PCDHGA3: variants seen among roughly 807,000 people sequenced by gnomAD.
PCDHGA3 encodes the protein protocadherin gamma-A3.
PCDHGA3 carries 40 observed loss-of-function variants against 58.5 expected under a neutral mutation model. That is an observed-to-expected ratio of 0.68 (90% CI 0.53 to 0.89). The LOEUF (loss-of-function observed/expected upper bound fraction) is 0.89. Ranked by LOEUF, PCDHGA3 falls within the 40% of genes least tolerant of loss-of-function variation. PCDHGA3 has a pLI of 0.00. For synonymous variants in PCDHGA3, 530 were observed against 525.7 expected (o/e 1.01, Z -0.11); for missense variants, 1,223 against 1,195.9 (o/e 1.02, Z -0.33).
chr5:141,403,210 C>A (rs369033480), intron 1 of PCDHGA3: 2 of 1,613,828 alleles, frequency 1.2e-6, no homozygotes, highest in African/African-American at 2.7e-5. Context: ...CCTTGGTCAC[C>A]GCGGGTAGGA....
At chr5:141,508,483 G>T (rs1186425031) in intron 3 of PCDHGA3, among the ~76,000 whole-genome samples, 2 of 152,154 alleles carry the variant, frequency 1.3e-5, no homozygotes, top group East Asian at 3.9e-4. Context: ...TTACATTCTG[G>T]ATTTCCATAT....
At chr5:141,359,052 T>TCACATA (rs1024764249) in intron 1 of PCDHGA3, among the ~76,000 whole-genome samples, 3 of 152,256 alleles carry the variant, frequency 2.0e-5, no homozygotes, top group African/African-American at 7.2e-5. Context: ...CTGTGGAATA[T>TCACATA]GCCTCAATTT....
intron 1 of PCDHGA3, chr5:141,356,720 T>A (rs200566433): frequency 2.0e-5 from 32 of 1,613,888 alleles, no homozygotes; most frequent in Non-Finnish European, 3.4e-6. Context: ...TATGTCTCCA[T>A]CAACTCCAAT....
chr5:141,510,847 A>C (rs1279701390), intron 3 of PCDHGA3, 100 bp from the exon 4 acceptor site: 1 of 1,595,232 alleles, frequency 6.3e-7, no homozygotes, highest in Non-Finnish European at 8.6e-7. Context: ...GTCAAGGCCC[A>C]GGGTGCTGTA....
Position 141,346,468 on chromosome 5 carries a change from T to C in PCDHGA3, c.2424+11T>C. ...TCCAACCTACTTCAGGTGAGTTTAT[T>C]TATTTCTTTGATTATTAAGAACAAA... On this transcript the variant is annotated intron_variant, in intron 1 of 3. Coordinates refer to ENST00000253812, the MANE Select transcript of PCDHGA3 (RefSeq NM_018916.4). The C allele has an allele frequency of 6.2e-7, 1 of 1,613,962 alleles. No homozygotes were observed. The highest frequency in any genetic ancestry group is 8.5e-7 in the Non-Finnish European group (1 of 1,179,914).
intron 1 of PCDHGA3, chr5:141,408,114 C>T (rs1191565539): frequency 5.5e-6 from 8 of 1,460,968 alleles, no homozygotes; most frequent in South Asian, 1.4e-5. Context: ...CGGGACTCCT[C>T]CTGTCCTGGG....
At position 141,423,758 on chromosome 5, in the gene PCDHGA3, G is replaced by GC. The variant is rs1554116873; in HGVS notation, c.2425-71049_2425-71048insC. 1.7e-4 allele frequency: 62 copies of GC among 366,836 alleles called. 2 individuals are homozygous for GC. The highest frequency in any genetic ancestry group is 4.2e-4 in the Middle Eastern group (1 of 2,358). The allele number at this position is 366,836 out of a possible 1,614,324, so 22.7% of individuals were successfully genotyped here. Reference sequence around the variant, plus strand: ...CTGTTATGAAAACTGTTTGGGGGGGGGGTGGGGCGGCATATATTTAGTTCA... The same window carrying GC: ...CTGTTATGAAAACTGTTTGGGGGGGGCGGTGGGGCGGCATATATTTAGTTCA... On this transcript the variant is annotated intron_variant, in intron 1 of 3. Coordinates refer to ENST00000253812, the MANE Select transcript of PCDHGA3 (RefSeq NM_018916.4).
Position 141,408,151 on chromosome 5 carries a change from T to G in PCDHGA3, c.2424+61694T>G, listed in dbSNP as rs2154539780. ...CGAATGCTCTTTTAGCGCGGTAGAG[T>G]GCACTTTCTCCAACTGGAAAAGCGG... On this transcript the variant is annotated intron_variant, in intron 1 of 3. Transcript: ENST00000253812. 3.3e-6 allele frequency: 5 copies of G among 1,506,938 alleles called. No individual in the cohort carries two copies. In the East Asian group the frequency reaches 1.2e-4, roughly 37 times the overall value. 93.3% of individuals were successfully genotyped at this position (1,506,938 alleles called of 1,614,324 possible). A position where few individuals can be genotyped will look rare whatever the true frequency, so the allele number is the denominator to read the frequency against.
intron 1 of PCDHGA3, among the ~76,000 whole-genome samples, chr5:141,446,824 A>T (rs973108119): frequency 1.3e-5 from 2 of 152,156 alleles, no homozygotes; most frequent in African/African-American, 4.8e-5. Flanking sequence ...AGATGGGTAG[A>T]TCCTTATAAG....
chr5:141,418,579 A>G (rs1561774780), intron 1 of PCDHGA3: 1 of 1,614,000 alleles, frequency 6.2e-7, no homozygotes, highest in Admixed American at 1.7e-5. Flanking sequence ...ACAACCCCCC[A>G]GTGTTCAGCC....
intron 3 of PCDHGA3, 61 bp downstream of exon 3, chr5:141,505,542 A>C: frequency 2.6e-5 from 42 of 1,604,950 alleles, no homozygotes; most frequent in Non-Finnish European, 3.2e-5. Flanking sequence ...GGTGCATCTC[A>C]CAGCCACCAT....
chr5:141,361,276 G>A (rs1242362767), intron 1 of PCDHGA3: 6 of 1,613,950 alleles, frequency 3.7e-6, no homozygotes, highest in East Asian at 2.2e-5. Flanking sequence ...AGAAAATGGA[G>A]AAGTTTACTG....
At chr5:141,500,370 G>C (rs766183384) in intron 2 of PCDHGA3, among the ~76,000 whole-genome samples, 1 of 151,644 alleles carries the variant, frequency 6.6e-6, no homozygotes, top group Non-Finnish European at 1.5e-5. Flanking sequence ...TACCACGCCC[G>C]GCTAATTATT....
chr5:141,460,278 G>C (rs1380767218), intron 1 of PCDHGA3, among the ~76,000 whole-genome samples: 1 of 151,964 alleles, frequency 6.6e-6, no homozygotes, highest in African/African-American at 2.4e-5. Context: ...TTCTTTTATA[G>C]TTTGTATTTC....
chr5:141,362,414 C>G, intron 1 of PCDHGA3: 1 of 1,614,058 alleles, frequency 6.2e-7, no homozygotes, highest in Non-Finnish European at 8.5e-7. Context: ...GCCTCACAAT[C>G]AGCCAAGACA....
intron 1 of PCDHGA3, chr5:141,408,089 G>C: frequency 7.0e-7 from 1 of 1,424,386 alleles, no homozygotes; most frequent in Non-Finnish European, 9.2e-7. Flanking sequence ...ACAGCGGATT[G>C]CCAGCTCCGA....
intron 1 of PCDHGA3, 73 bp downstream of exon 1, chr5:141,346,530 T>A: frequency 6.4e-7 from 1 of 1,573,352 alleles, no homozygotes; most frequent in Non-Finnish European, 8.6e-7. Context: ...TTAACACATA[T>A]GTATTTGAGA....
chr5:141,381,798 CTCTTTCTTTCTT>C (rs372235829), intron 1 of PCDHGA3, among the ~76,000 whole-genome samples: 1 of 144,134 alleles, frequency 6.9e-6, no homozygotes, highest in Non-Finnish European at 1.5e-5. Flanking sequence ...AGGCAATTCC[CTCTTTCTTTCTT>C]TCTTTCTTTC....
At chr5:141,460,132 T>TAAAA in intron 1 of PCDHGA3, among the ~76,000 whole-genome samples, 1 of 152,036 alleles carries the variant, frequency 6.6e-6, no homozygotes, top group South Asian at 2.1e-4. Context: ...GTAATATATA[T>TAAAA]ATTCTTGATG....
Sources: allele counts gnomAD v4.1 joint callset (sites outside exome capture counted in the v4.1 genomes callset), GRCh38; gene constraint gnomAD v4.1.1; transcripts MANE v1.5; gene names NCBI Gene and HGNC (gene_info 2026-07-23, HGNC 2026-07-21).